SNX16: variants seen among roughly 807,000 people sequenced by gnomAD.
SNX16 encodes the protein sorting nexin-16.
SNX16 carries 35 observed loss-of-function variants against 36.7 expected under a neutral mutation model. The ratio of observed to expected loss-of-function variants is 0.95; its 90% CI spans 0.73 to 1.27. The LOEUF (loss-of-function observed/expected upper bound fraction) is 1.27. Among genes scored for constraint, SNX16 ranks in the 50% most tolerant of loss-of-function variants. The probability of loss-of-function intolerance (pLI) is 0.00; values close to 1 mark genes in which losing one functional copy is unlikely to be tolerated. For missense variants in SNX16, 367 were observed against 393.6 expected, an observed-to-expected ratio of 0.93 and a Z score of 0.57; for synonymous variants, 134 against 132.0, an observed-to-expected ratio of 1.02 and a Z score of -0.10.
At chr8:81,840,168 A>G (rs927088770) in intron 1 of SNX16, 86 bp from the exon 2 acceptor site, 1 of 641,386 alleles carries the variant, frequency 1.6e-6, no homozygotes, top group African/African-American at 1.8e-5. Context: ...ATTTTATGAC[A>G]CTATTATTTT....
rs1258286177 is a variant in SNX16, at chr8:81,839,646, C to T, written c.341G>A (p.Gly114Asp). The change falls in exon 2 of 8, where the codon GGT (glycine) becomes GAT (aspartate). Residue 114 changes from glycine (G) to aspartate (D), a missense_variant. Physicochemically the swap from Gly to Asp is moderately conservative, Grantham distance 94. Transcript: ENST00000345957. Reference protein sequence around the residue: ...EDRPSTPTILGYEVMEERAKF... With the variant: ...EDRPSTPTILDYEVMEERAKF... ...AGCTCTTTCTTCCATCACTTCATAA[C>T]CCAGTATAGTAGGTGTAGATGGTCT... 6.2e-7 allele frequency: 1 copy of T among 1,613,596 alleles called. No individual in the cohort carries two copies.
chr8:81,806,921 GA>G (rs1455365408), intron 5 of SNX16, among the ~76,000 whole-genome samples: 1 of 148,864 alleles, frequency 6.7e-6, no homozygotes, highest in East Asian at 1.9e-4. Context: ...TTCCCTAGAT[GA>G]AAAAAATGTA....
chr8:81,824,055 T>A (rs931226042), intron 3 of SNX16, 115 bp from the exon 4 acceptor site: 82 of 986,988 alleles, frequency 8.3e-5, no homozygotes, highest in Non-Finnish European at 1.1e-4. Flanking sequence ...AATAAAAGAA[T>A]TAAATTCAGT....
chr8:81,820,724 GTTC>G (rs1235625929), intron 4 of SNX16, among the ~76,000 whole-genome samples: 1 of 151,768 alleles, frequency 6.6e-6, no homozygotes, highest in Admixed American at 6.6e-5. Context: ...GCTTCTTTGA[GTTC>G]TTGTTACTTT....
intron 2 of SNX16, among the ~76,000 whole-genome samples, chr8:81,831,260 T>C (rs772211146): frequency 1.3e-4 from 20 of 152,164 alleles, no homozygotes; most frequent in Non-Finnish European, 2.6e-4. Flanking sequence ...CAAAACTTGA[T>C]GTGAGACCTA....
chr8:81,840,727 C>T (rs1486141807), intron 1 of SNX16, among the ~76,000 whole-genome samples: 1 of 152,178 alleles, frequency 6.6e-6, no homozygotes, highest in African/African-American at 2.4e-5. Flanking sequence ...AAAATTGTAA[C>T]CGTTCTTCAC....
chr8:81,802,450 CTTCTGT>C lies in SNX16; in HGVS notation c.862_867del (p.Thr288_Glu289del). The C allele has an allele frequency of 6.2e-7, 1 of 1,610,104 alleles. No homozygotes were observed. The highest frequency in any genetic ancestry group is 1.1e-5 in the South Asian group (1 of 90,832). ...GACTCCACCTTTAGGATCTGTTCAC[CTTCTGT>C]TTCTGACACATCCAGTGATTCTTCA... On this transcript the variant is annotated inframe_deletion, in exon 7 of 8. Coordinates refer to ENST00000345957, the MANE Select transcript of SNX16 (RefSeq NM_152836.3).
intron 4 of SNX16, among the ~76,000 whole-genome samples, chr8:81,820,691 T>C (rs1379371993): frequency 1.3e-5 from 2 of 151,352 alleles, no homozygotes; most frequent in African/African-American, 4.8e-5. Flanking sequence ...TGCTTGACCA[T>C]TGCAAACAGC....
At chr8:81,815,501 A>C in intron 4 of SNX16, 107 bp from the exon 5 acceptor site, 1 of 707,110 alleles carries the variant, frequency 1.4e-6, no homozygotes, top group South Asian at 1.9e-5. Context: ...CAAGTTGGTT[A>C]TGTGTTTTCA....
intron 4 of SNX16, among the ~76,000 whole-genome samples, chr8:81,820,700 G>A (rs1243693288): frequency 2.0e-5 from 3 of 151,532 alleles, no homozygotes; most frequent in Non-Finnish European, 4.4e-5. Context: ...ATTGCAAACA[G>A]CACTGATCTC....
chr8:81,832,966 T>C (rs1811333574), intron 2 of SNX16, among the ~76,000 whole-genome samples: 1 of 151,732 alleles, frequency 6.6e-6, no homozygotes, highest in Non-Finnish European at 1.5e-5. Context: ...TGGTCACACA[T>C]GGCAATTGAG....
chr8:81,818,923 G>A (rs1810611146), intron 4 of SNX16, among the ~76,000 whole-genome samples: 1 of 152,094 alleles, frequency 6.6e-6, no homozygotes, highest in South Asian at 2.1e-4. Flanking sequence ...TTTCAAGTAT[G>A]TAAAGATGGC....
intron 3 of SNX16, among the ~76,000 whole-genome samples, chr8:81,825,643 C>T (rs919473054): frequency 1.2e-4 from 18 of 152,024 alleles, no homozygotes; most frequent in Admixed American, 5.2e-4. Flanking sequence ...AATATATGTT[C>T]AATAAATGAA....
Position 81,801,612 on chromosome 8 carries a change from A to G in SNX16, c.939-19T>C. 1 of 1,409,234 alleles carries G rather than the reference A, an allele frequency of 7.1e-7. No individual in the cohort carries two copies. The highest frequency in any genetic ancestry group is 9.8e-7 in the Non-Finnish European group (1 of 1,022,706). 87.3% of individuals were successfully genotyped at this position (1,409,234 alleles called of 1,614,324 possible). A position where few individuals can be genotyped will look rare whatever the true frequency, so the allele number is the denominator to read the frequency against. On this transcript the variant is annotated intron_variant, in intron 7 of 7. Coordinates refer to ENST00000345957, the MANE Select transcript of SNX16 (RefSeq NM_152836.3). ...ATCAGCTCTGCAAAAAAAAAAAAAA[A>G]AGGAACATATCAATGATGGGACTGG...
intron 2 of SNX16, among the ~76,000 whole-genome samples, chr8:81,835,633 G>T (rs1811461585): frequency 6.6e-6 from 1 of 152,138 alleles, no homozygotes; most frequent in East Asian, 1.9e-4. Flanking sequence ...TCTAGGGCAG[G>T]GGCAAAATGC....
At chr8:81,833,866 T>C (rs79411604) in intron 2 of SNX16, among the ~76,000 whole-genome samples, 6,017 of 152,322 alleles carry the variant, frequency 0.04, 176 homozygotes, top group Non-Finnish European at 0.062. Flanking sequence ...ATAACTGTTG[T>C]TGTTTCTACT....
chr8:81,807,803 A>G, intron 5 of SNX16: 1 of 742,472 alleles, frequency 1.3e-6, no homozygotes, highest in Non-Finnish European at 2.5e-6. Flanking sequence ...AAAGAGCCCA[A>G]ACAGCTGAGG....
chr8:81,816,764 T>C (rs1342540909), intron 4 of SNX16, among the ~76,000 whole-genome samples: 1 of 152,184 alleles, frequency 6.6e-6, no homozygotes, highest in Admixed American at 6.5e-5. Context: ...ACTTGCCTAT[T>C]GTCAGAAAGT....
At chr8:81,832,519 C>T (rs748606983) in intron 2 of SNX16, among the ~76,000 whole-genome samples, 16 of 152,016 alleles carry the variant, frequency 1.1e-4, no homozygotes, top group Non-Finnish European at 1.0e-4. Context: ...TGTAACAAAC[C>T]TGCACATGTA....
Sources: allele counts gnomAD v4.1 joint callset (sites outside exome capture counted in the v4.1 genomes callset), GRCh38; gene constraint gnomAD v4.1.1; transcripts MANE v1.5; gene names NCBI Gene and HGNC (gene_info 2026-07-23, HGNC 2026-07-21).